Variants in INTS10 observed in about 807,000 individuals in gnomAD.
INTS10 encodes chromosome 8 open reading frame 35.
Under a neutral mutation model 94.4 loss-of-function variants are expected in INTS10, and 44 were observed. The observed-to-expected ratio is 0.47, with a 90% CI of 0.37 to 0.60. The LOEUF (loss-of-function observed/expected upper bound fraction) is 0.60, where lower values mean the gene tolerates loss of function less well. Ranked by LOEUF, INTS10 falls within the 20% of genes least tolerant of loss-of-function variation. The pLI is 0.00. For synonymous variants in INTS10, 341 were observed against 320.7 expected (o/e 1.06, Z -0.68); for missense variants, 797 against 868.7 (o/e 0.92, Z 1.04).
rs562180336 is a variant in INTS10, at chr8:19,849,262, G to C, written c.1977-2387G>C. ...CAGGTACCAAGTGGAATCAACGCCC[G>C]CTCATAGTGTGCTGTTTGTCAACAT... On this transcript the variant is annotated intron_variant, in intron 16 of 16. Coordinates refer to ENST00000397977, the MANE Select transcript of INTS10 (RefSeq NM_018142.4). This position sits in a 1 kb window ranked among gnomAD's most constrained non-coding sequence, Gnocchi z 4.6. 1 of 1,240,322 alleles carries C rather than the reference G, an allele frequency of 8.1e-7. No homozygotes were observed. The highest frequency in any genetic ancestry group is 1.5e-5 in the African/African-American group (1 of 64,948). The allele number at this position is 1,240,322 out of a possible 1,614,324, so 76.8% of individuals were successfully genotyped here.
At chr8:19,844,361 AGGAAT>A (rs1203432929) in intron 15 of INTS10, 123 bp downstream of exon 15, 10 of 750,322 alleles carry the variant, frequency 1.3e-5, no homozygotes, top group Non-Finnish European at 2.1e-5. Flanking sequence ...AGCGAAGAGA[AGGAAT>A]GGGGATTAAA....
At position 19,823,858 on chromosome 8, in the gene INTS10, T is replaced by A; in HGVS notation, c.665-15T>A. ...CATAATGTTAATTGTAGGCTACTTTTTTCTTACATCTCAGGCGCCCAGGAT... is the reference window on the plus strand; with the variant it reads ...CATAATGTTAATTGTAGGCTACTTTATTCTTACATCTCAGGCGCCCAGGAT... On this transcript the variant is annotated splice_polypyrimidine_tract_variant and intron_variant, in intron 6 of 16. Transcript: ENST00000397977. The A allele has an allele frequency of 6.4e-7, 1 of 1,566,230 alleles. No individual in the cohort carries two copies. The highest frequency in any genetic ancestry group is 2.3e-5 in the East Asian group (1 of 44,008).
At chr8:19,848,631 G>A (rs934195896) in intron 16 of INTS10, 3 of 152,206 alleles carry the variant, frequency 2.0e-5, no homozygotes, top group Admixed American at 6.5e-5. Context: ...TTCTCAATAC[G>A]TTTTTGAAAT....
chr8:19,830,547 T>C lies in INTS10; in HGVS notation c.1282T>C (p.Phe428Leu), dbSNP rs763829437. 6.2e-7 allele frequency: 1 copy of C among 1,612,458 alleles called. No individual in the cohort carries two copies. Among genetic ancestry groups the C allele is most frequent in the Non-Finnish European group, 8.5e-7 (1 of 1,179,514 alleles). The change falls in exon 10 of 17, where the codon TTC becomes CTC. Residue 428 changes from phenylalanine (F) to leucine (L), a missense_variant. By Grantham distance (22) the Phe-to-Leu change is conservative (BLOSUM62 0). Transcript: ENST00000397977. Reference sequence around the variant, plus strand: ...CTGGGAGTTGCTCTATTCCCTAGAATTCCTTGACAAAGGTAAGAAAGCGCA... The same window carrying C: ...CTGGGAGTTGCTCTATTCCCTAGAACTCCTTGACAAAGGTAAGAAAGCGCA... Reference protein sequence around the residue: ...ESWELLYSLEFLDKEFTRICL... With the variant: ...ESWELLYSLELLDKEFTRICL...
Position 19,846,382 on chromosome 8 carries a change from G to A in INTS10, c.1976+585G>A, listed in dbSNP as rs1458627073. On this transcript the variant is annotated intron_variant, in intron 16 of 16. Coordinates refer to ENST00000397977, the MANE Select transcript of INTS10 (RefSeq NM_018142.4). This position sits in a 1 kb window ranked among gnomAD's most constrained non-coding sequence, Gnocchi z 4.2. ...CAGGAGGTGGAGGTTGCAGTGAGCC[G>A]AGGTCGCGCCATTACACTCCAGCCT... 6.6e-6 allele frequency among the ~76,000 whole-genome samples: 1 copy of A among 151,778 alleles called. No homozygotes were observed. Among genetic ancestry groups the A allele is most frequent in the East Asian group, 1.9e-4 (1 of 5,184 alleles).
At position 19,849,290 on chromosome 8, in the gene INTS10, T is replaced by G. The variant is rs762187578; in HGVS notation, c.1977-2359T>G. On this transcript the variant is annotated intron_variant, in intron 16 of 16. Transcript: ENST00000397977. The surrounding 1 kb of genome is among the most constrained non-coding windows in gnomAD (Gnocchi z 4.6). Reference sequence around the variant, plus strand: ...CATAGTGTGCTGTTTGTCAACATGTTCGCTGCCCATGGTTCTCAGCTCTTC... The same window carrying G: ...CATAGTGTGCTGTTTGTCAACATGTGCGCTGCCCATGGTTCTCAGCTCTTC... The G allele has an allele frequency of 9.6e-6, 9 of 939,638 alleles. No individual in the cohort carries two copies. The African/African-American group carries it at 1.5e-4, about 16-fold the overall frequency. The allele number at this position is 939,638 out of a possible 1,614,324, so 58.2% of individuals were successfully genotyped here.
intron 13 of INTS10, among the ~76,000 whole-genome samples, chr8:19,842,440 G>A (rs2068203543): frequency 6.6e-6 from 1 of 152,164 alleles, no homozygotes; most frequent in Admixed American, 6.5e-5. Flanking sequence ...CCTCTGCGAT[G>A]GAAGAGAATG....
intron 15 of INTS10, among the ~76,000 whole-genome samples, chr8:19,844,649 G>C (rs890414175): frequency 6.6e-6 from 1 of 152,122 alleles, no homozygotes; most frequent in Non-Finnish European, 1.5e-5. Context: ...TCACTTGTTA[G>C]GGCACCCTGC....
At chr8:19,827,800 A>G (rs753416183) in intron 9 of INTS10, among the ~76,000 whole-genome samples, 7 of 152,136 alleles carry the variant, frequency 4.6e-5, no homozygotes, top group East Asian at 1.9e-4. Context: ...TTATCATTCT[A>G]TCCCTGAGTC....
At chr8:19,833,841 C>G (rs2067436576) in intron 12 of INTS10, among the ~76,000 whole-genome samples, 1 of 152,070 alleles carries the variant, frequency 6.6e-6, no homozygotes, top group African/African-American at 2.4e-5. Flanking sequence ...AACCCCATCT[C>G]TATTAAAATA....
intron 5 of INTS10, 106 bp downstream of exon 5, chr8:19,822,626 G>A (rs938829618): frequency 1.4e-5 from 9 of 652,654 alleles, no homozygotes; most frequent in Admixed American, 2.9e-5. Context: ...AGCTTTATGT[G>A]TTATGGCATT....
intron 2 of INTS10, chr8:19,818,641 G>C (rs1380225131): frequency 2.6e-6 from 1 of 390,550 alleles, no homozygotes; most frequent in East Asian, 5.3e-5. Context: ...AGAACAAAAA[G>C]TGAAAGTGCA....
chr8:19,840,407 GT>G (rs1420080294), intron 13 of INTS10, among the ~76,000 whole-genome samples: 2 of 152,142 alleles, frequency 1.3e-5, no homozygotes, highest in Non-Finnish European at 2.9e-5. Context: ...AGACTTTACG[GT>G]TTTTGGTGGT....
Position 19,849,230 on chromosome 8 carries a change from C to T in INTS10, c.1977-2419C>T. ...CCTGTGCTTCAGCCCAGCATACAGA[C>T]TGCTGACAGGTACCAAGTGGAATCA... On this transcript the variant is annotated intron_variant, in intron 16 of 16. Transcript: ENST00000397977. This position sits in a 1 kb window ranked among gnomAD's most constrained non-coding sequence, Gnocchi z 4.6. 7.8e-7 allele frequency: 1 copy of T among 1,288,630 alleles called. No individual in the cohort carries two copies. Among genetic ancestry groups the T allele is most frequent in the South Asian group, 1.2e-5 (1 of 80,988 alleles). The allele number at this position is 1,288,630 out of a possible 1,614,324, so 79.8% of individuals were successfully genotyped here.
At chr8:19,841,680 G>A (rs34564004) in intron 13 of INTS10, 14 of 351,074 alleles carry the variant, frequency 4.0e-5, no homozygotes, top group Middle Eastern at 3.8e-4. Flanking sequence ...CGTGCTTCTG[G>A]AAGGTGTATA....
chr8:19,836,226 A>AAG (rs1268239411), intron 12 of INTS10, among the ~76,000 whole-genome samples: 3 of 16,326 alleles, frequency 1.8e-4, no homozygotes, highest in Admixed American at 1.3e-3. Context: ...ATAAAAGAAG[A>AAG]AAAAAAAAAA....
chr8:19,830,729 A>G (rs1005693891), intron 10 of INTS10, among the ~76,000 whole-genome samples, 170 bp downstream of exon 10: 26 of 152,212 alleles, frequency 1.7e-4, no homozygotes, highest in Admixed American at 9.8e-4. Flanking sequence ...CCGGAGTACA[A>G]TGGTGTTATC....
chr8:19,846,825 T>C lies in INTS10; in HGVS notation c.1976+1028T>C, dbSNP rs2068623586. Among the ~76,000 whole-genome samples the C allele has an allele frequency of 6.6e-6, 1 of 152,250 alleles. No homozygotes were observed. The highest frequency in any genetic ancestry group is 1.5e-5 in the Non-Finnish European group (1 of 68,042). ...TATCCTCTCTGCTGTAAATGCCACG[T>C]GTAGTTTTATTTTCATACTTCCTCC... On this transcript the variant is annotated intron_variant, in intron 16 of 16. Coordinates refer to ENST00000397977, the MANE Select transcript of INTS10 (RefSeq NM_018142.4). This position sits in a 1 kb window ranked among gnomAD's most constrained non-coding sequence, Gnocchi z 4.2.
Position 19,817,476 on chromosome 8 carries a change from C to T in INTS10, c.-62C>T, listed in dbSNP as rs2066002038. 6.4e-6 allele frequency: 10 copies of T among 1,559,534 alleles called. No individual in the cohort carries two copies. The Admixed American group carries it at 1.1e-4, about 18-fold the overall frequency. On this transcript the variant is annotated 5_prime_UTR_variant, in exon 1 of 17. Coordinates refer to ENST00000397977, the MANE Select transcript of INTS10 (RefSeq NM_018142.4). ...GCGGCGGCGGTGGCTGCCGTGGCGGCTGAGAGTCCAGAGCCGGACGTTCCG... is the reference window on the plus strand; with the variant it reads ...GCGGCGGCGGTGGCTGCCGTGGCGGTTGAGAGTCCAGAGCCGGACGTTCCG...
Sources: gnomAD v4.1 joint callset for allele counts (sites outside exome capture counted in the v4.1 genomes callset) on GRCh38, gnomAD v4.1.1 for gene constraint, Gnocchi (gnomAD v3.1) non-coding constraint, MANE v1.5 for transcripts, NCBI Gene and HGNC (gene_info 2026-07-23, HGNC 2026-07-21) for gene names.